The following CATSPER1 variants were observed in gnomAD, a reference collection of about 807,000 sequenced individuals.
The protein encoded by CATSPER1 is cation channel sperm associated 1.
In CATSPER1, 57 loss-of-function variants were observed where a neutral mutation model predicts 72.7. That is an observed-to-expected ratio of 0.78 (90% confidence interval 0.63 to 0.98). The LOEUF is 0.98. Among genes scored for constraint, CATSPER1 ranks in the 50% least tolerant of loss-of-function variants. CATSPER1 has a pLI of 0.00. For missense variants in CATSPER1, 910 were observed against 1,033.9 expected, an observed-to-expected ratio of 0.88 and a Z score of 1.64; for synonymous variants, 363 against 403.0, an observed-to-expected ratio of 0.90 and a Z score of 1.19.
chr11:66,018,207 C>CA (rs539636076), intron 10 of CATSPER1, among the ~76,000 whole-genome samples: 1,709 of 67,450 alleles, frequency 0.025, 17 homozygotes, highest in African/African-American at 0.056. Context: ...GACCCTGTCT[C>CA]AAAAAAAAAA....
chr11:66,017,193 G>GGGGGGGGGGGGGGGGGGGGGGGGGGGCC lies in CATSPER1; in HGVS notation c.2202-20_2202-19insGGCCCCCCCCCCCCCCCCCCCCCCCCCC. On this transcript the variant is annotated intron_variant, in intron 10 of 11. Transcript: ENST00000312106. ...CTGCTGCCTGCGGGTGGGCGGGGGGGTCGCAGAGACAGGGGCTGGGCTGAC... is the reference window on the plus strand; with the variant it reads ...CTGCTGCCTGCGGGTGGGCGGGGGGGGGGGGGGGGGGGGGGGGGGGGGGGGGCCTCGCAGAGACAGGGGCTGGGCTGAC... 2.0e-6 allele frequency: 1 copy of GGGGGGGGGGGGGGGGGGGGGGGGGGGCC among 493,808 alleles called. No homozygotes were observed. The highest frequency in any genetic ancestry group is 4.0e-6 in the Non-Finnish European group (1 of 252,616). The allele number at this position is 493,808 out of a possible 1,614,324, so 30.6% of individuals were successfully genotyped here.
chr11:66,020,225 G>C lies in CATSPER1; in HGVS notation c.2065-25C>G. On this transcript the variant is annotated intron_variant, in intron 8 of 11. Transcript: ENST00000312106. The surrounding 1 kb of genome is among the most constrained non-coding windows in gnomAD (Gnocchi z 4.5). ...TCTGGGAAGAAGAGGCCTCAGATCT[G>C]CCAGAGTCCCAGGCCTGCTCAACCC... 2 of 1,614,052 alleles carry C rather than the reference G, an allele frequency of 1.2e-6. No individual in the cohort carries two copies. The highest frequency in any genetic ancestry group is 1.7e-6 in the Non-Finnish European group (2 of 1,179,956).
At position 66,017,193 on chromosome 11, in the gene CATSPER1, G is replaced by GGGGGGGGGGGGGGGCCCC; in HGVS notation, c.2202-20_2202-19insGGGGCCCCCCCCCCCCCC. On this transcript the variant is annotated intron_variant, in intron 10 of 11. Transcript: ENST00000312106. ...CTGCTGCCTGCGGGTGGGCGGGGGG[G>GGGGGGGGGGGGGGGCCCC]TCGCAGAGACAGGGGCTGGGCTGAC... 8 of 493,802 alleles carry GGGGGGGGGGGGGGGCCCC rather than the reference G, an allele frequency of 1.6e-5. No homozygotes were observed. Among genetic ancestry groups the GGGGGGGGGGGGGGGCCCC allele is most frequent in the Non-Finnish European group, 3.2e-5 (8 of 252,610 alleles). 30.6% of individuals were successfully genotyped at this position (493,802 alleles called of 1,614,324 possible).
In CATSPER1 at chr11:66,017,193, G is replaced by GGGGGGGGGGGGGCCCCC; in HGVS notation, c.2202-20_2202-19insGGGGGCCCCCCCCCCCC. The GGGGGGGGGGGGGCCCCC allele has an allele frequency of 2.0e-6, 1 of 493,810 alleles. No homozygotes were observed. Among genetic ancestry groups the GGGGGGGGGGGGGCCCCC allele is most frequent in the Non-Finnish European group, 4.0e-6 (1 of 252,620 alleles). 30.6% of individuals were successfully genotyped at this position (493,810 alleles called of 1,614,324 possible). On this transcript the variant is annotated intron_variant, in intron 10 of 11. Transcript: ENST00000312106. ...CTGCTGCCTGCGGGTGGGCGGGGGG[G>GGGGGGGGGGGGGCCCCC]TCGCAGAGACAGGGGCTGGGCTGAC...
intron 10 of CATSPER1, 93 bp downstream of exon 10, chr11:66,018,734 G>A: frequency 1.5e-6 from 2 of 1,349,560 alleles, no homozygotes; most frequent in African/African-American, 1.4e-5. Flanking sequence ...CCTTCTAGAG[G>A]GGCAGGCAAT....
At chr11:66,023,131 C>T (rs916788561) in intron 1 of CATSPER1, 70 bp from the exon 2 acceptor site, 4 of 1,437,040 alleles carry the variant, frequency 2.8e-6, no homozygotes, top group Non-Finnish European at 2.0e-6. Context: ...ACCCCCCAGC[C>T]TGGCTCAGCG....
rs1856487562 is a variant in CATSPER1 at position 66,025,738 on chromosome 11, G to A, written c.642C>T (p.His214=). The change falls in exon 1 of 12, where the codon CAC becomes CAT. Residue 214 remains histidine (H), a synonymous_variant. Coordinates refer to ENST00000312106, the MANE Select transcript of CATSPER1 (RefSeq NM_053054.4). The part of the protein sequence containing the change: ...HDESQHHQVP[H]RGWPHHHQVH... ...CTTGGTGATGGTGGGGCCAGCCACG[G>A]TGGGGGACTTGGTGATGCTGGGACT... The A allele has an allele frequency of 1.9e-6, 3 of 1,613,944 alleles. No individual in the cohort carries two copies. The highest frequency in any genetic ancestry group is 2.2e-5 in the South Asian group (2 of 91,062).
In CATSPER1 at chr11:66,024,282, T is replaced by TG. The variant is rs1199920826; in HGVS notation, c.1216+881_1216+882insC. ...CACCCAGCCTATTTGTTTTTTTTTTTTTTTTTTTTTTTTCCTACGGAGTCT... is the reference window on the plus strand; with the variant it reads ...CACCCAGCCTATTTGTTTTTTTTTTTGTTTTTTTTTTTTTCCTACGGAGTCT... On this transcript the variant is annotated intron_variant, in intron 1 of 11. Transcript: ENST00000312106. Among the ~76,000 whole-genome samples the TG allele has an allele frequency of 4.9e-4, 64 of 131,130 alleles. 1 individual carries two copies. The highest frequency in any genetic ancestry group is 8.2e-3 in the Middle Eastern group (2 of 244). 86.0% of individuals were successfully genotyped at this position (131,130 alleles called of 152,430 possible).
chr11:66,021,297 C>G lies in CATSPER1; in HGVS notation c.1692-112G>C, dbSNP rs1349145726. 5.6e-6 allele frequency: 7 copies of G among 1,249,238 alleles called. No individual in the cohort carries two copies. In the East Asian group the frequency reaches 1.5e-4, roughly 27 times the overall value. The allele number at this position is 1,249,238 out of a possible 1,614,324, so 77.4% of individuals were successfully genotyped here. A position where few individuals can be genotyped will look rare whatever the true frequency, so the allele number is the denominator to read the frequency against. ...CAGGAGGCTCCTGACTTGTTGGTGA[C>G]TTGGGTGAGTCCTGGCCCCTCTCTG... On this transcript the variant is annotated intron_variant, in intron 4 of 11. Transcript: ENST00000312106.
intron 10 of CATSPER1, among the ~76,000 whole-genome samples, chr11:66,017,917 G>A (rs1479434486): frequency 1.3e-5 from 2 of 152,222 alleles, no homozygotes; most frequent in African/African-American, 4.8e-5. Flanking sequence ...ATAAGTGAGA[G>A]CCCAGGCGCG....
chr11:66,019,043 G>A (rs1274044426), intron 9 of CATSPER1, 141 bp from the exon 10 acceptor site: 8 of 715,442 alleles, frequency 1.1e-5, no homozygotes, highest in East Asian at 2.7e-5. Flanking sequence ...CATGCAGCAC[G>A]ATGCAGTTCC....
chr11:66,018,714 C>T lies in CATSPER1; in HGVS notation c.2201+113G>A, dbSNP rs138438371. 2,324 of 1,179,848 alleles carry T rather than the reference C, an allele frequency of 2.0e-3. 36 individuals carry two copies. In the Admixed American group the frequency reaches 0.035, roughly 18 times the overall value. 73.1% of individuals were successfully genotyped at this position (1,179,848 alleles called of 1,614,324 possible). On this transcript the variant is annotated intron_variant, in intron 10 of 11. Transcript: ENST00000312106. ...CCACAGGCTCATCCACAAGCCTCAG[C>T]GCTCCATCCCCTTCTAGAGGGGCAG...
rs770226955 is a variant in CATSPER1 at position 66,025,372 on chromosome 11, G to A, written c.1008C>T (p.His336=). Residue 336 remains histidine (H), a synonymous_variant, in exon 1 of 12, where the codon CAC becomes CAT. Transcript: ENST00000312106. The stretch of plus-strand genomic sequence containing the variant: ...GAGAAGCAGCAGGGCCGGGGGCATC[G>A]TGAATCAGGCTCCGGGATGTGTGTG... ...SIPHTSRSLI[H]DAPGPAASRT... 10 of 1,614,050 alleles carry A rather than the reference G, an allele frequency of 6.2e-6. No individual in the cohort carries two copies. The highest frequency in any genetic ancestry group is 5.3e-5 in the African/African-American group (4 of 74,922).
intron 1 of CATSPER1, among the ~76,000 whole-genome samples, chr11:66,024,285 T>G (rs1289724248): frequency 4.3e-5 from 6 of 141,120 alleles, no homozygotes; most frequent in East Asian, 2.0e-4. Flanking sequence ...TTTTTTTTTT[T>G]TTTTTTTTTT....
chr11:66,023,147 G>T, intron 1 of CATSPER1, 86 bp from the exon 2 acceptor site: 1 of 1,255,932 alleles, frequency 8.0e-7, no homozygotes. Flanking sequence ...CAGCGTCCAT[G>T]GTCACTCCTG....
Position 66,019,559 on chromosome 11 carries a change from A to G in CATSPER1, c.2125+581T>C, listed in dbSNP as rs932308895. On this transcript the variant is annotated intron_variant, in intron 9 of 11. Transcript: ENST00000312106. ...CCCAAAGTGCTGGGATTACAGGTGT[A>G]AGCCACCATGCCCGGCCCCAGGTAG... Among the ~76,000 whole-genome samples, 4 of 151,858 alleles carry G rather than the reference A, an allele frequency of 2.6e-5. No homozygotes were observed. The South Asian group carries it at 6.2e-4, about 24-fold the overall frequency.
chr11:66,023,010 T>C lies in CATSPER1; in HGVS notation c.1268A>G (p.Gln423Arg). ...RKKGHSTNLF[Q>R]WLWEKLTFLI... ...GAAGGTTAGCTTTTCCCACAGCCAC[T>C]GGAAGAGATTGGTAGAGTGTCCCTT... Residue 423 changes from glutamine to arginine, a missense_variant, in exon 2 of 12, where the codon CAG becomes CGG. Physicochemically the swap from Gln to Arg is conservative, Grantham distance 43. Transcript: ENST00000312106. The C allele has an allele frequency of 6.2e-7, 1 of 1,614,212 alleles. No homozygotes were observed. Among genetic ancestry groups the C allele is most frequent in the Non-Finnish European group, 8.5e-7 (1 of 1,180,036 alleles).
Position 66,026,196 on chromosome 11 carries a change from C to T in CATSPER1, c.184G>A (p.Glu62Lys). 2 of 1,608,664 alleles carry T rather than the reference C, an allele frequency of 1.2e-6. No homozygotes were observed. Among genetic ancestry groups the T allele is most frequent in the Middle Eastern group, 3.3e-4 (2 of 6,046 alleles). ...GCTTGGTCGTGGAAGTCTTGGAACT[C>T]CGGAGGGTGGTGAGATTCACCACGT... Reference protein sequence around the residue: ...HQRGESHHPPEFQDFHDQALS... With the variant: ...HQRGESHHPPKFQDFHDQALS... The change falls in exon 1 of 12, where the codon GAG becomes AAG. Residue 62 changes from glutamate to lysine, a missense_variant. Coordinates refer to ENST00000312106, the MANE Select transcript of CATSPER1 (RefSeq NM_053054.4).
chr11:66,019,161 T>A (rs1440689548), intron 9 of CATSPER1, among the ~76,000 whole-genome samples: 1 of 152,106 alleles, frequency 6.6e-6, no homozygotes, highest in Non-Finnish European at 1.5e-5. Context: ...TTGGCTGAGG[T>A]TAGCCCCACC....
Sources: allele counts gnomAD v4.1 joint callset (sites outside exome capture counted in the v4.1 genomes callset), GRCh38; gene constraint gnomAD v4.1.1; non-coding constraint Gnocchi (gnomAD v3.1); transcripts MANE v1.5; gene names NCBI Gene and HGNC (gene_info 2026-07-23, HGNC 2026-07-21).